DLGAP2: variants seen among roughly 807,000 people sequenced by gnomAD.
DLGAP2 encodes DLG associated protein 2.
In DLGAP2, 26 loss-of-function variants were observed where a neutral mutation model predicts 100.3. The observed-to-expected ratio is 0.26, with a 90% CI of 0.19 to 0.36. DLGAP2 has a LOEUF of 0.36. Among genes scored for constraint, DLGAP2 ranks in the 10% least tolerant of loss-of-function variants. The pLI, the probability that DLGAP2 is intolerant of heterozygous loss-of-function variation, is 1.00. For synonymous variants in DLGAP2, 886 were observed against 630.1 expected (o/e 1.41, Z -6.08); for missense variants, 1,858 against 1,453.2 (o/e 1.28, Z -4.53).
At chr8:1,527,528 T>C (rs563744918) in intron 4 of DLGAP2, among the ~76,000 whole-genome samples, 2 of 152,348 alleles carry the variant, frequency 1.3e-5, no homozygotes, top group Admixed American at 6.5e-5. Context: ...CACAGATTCA[T>C]TGCCATGGAG....
At chr8:1,683,144 A>G (rs1799001900) in intron 12 of DLGAP2, among the ~76,000 whole-genome samples, 1 of 151,620 alleles carries the variant, frequency 6.6e-6, no homozygotes, top group African/African-American at 2.4e-5. Flanking sequence ...GAAACTGTTG[A>G]GTGTCATAAG....
intron 2 of DLGAP2, among the ~76,000 whole-genome samples, chr8:925,238 T>G (rs1798788380): frequency 6.6e-6 from 1 of 152,140 alleles, no homozygotes; most frequent in Admixed American, 6.6e-5. Context: ...CCAAAGTAGC[T>G]GGGACGACAG....
At chr8:1,258,728 C>A in intron 2 of DLGAP2, 123 bp from the exon 3 acceptor site, 1 of 816,364 alleles carries the variant, frequency 1.2e-6, no homozygotes, top group Non-Finnish European at 1.6e-6. Context: ...GGTCCACTGG[C>A]TCTGGTGTGG....
chr8:1,602,486 A>G (rs142513674), intron 6 of DLGAP2, among the ~76,000 whole-genome samples: 3 of 152,358 alleles, frequency 2.0e-5, no homozygotes, highest in East Asian at 3.9e-4. Flanking sequence ...CATGTTGCCC[A>G]GAGCTAGCCA....
At chr8:1,319,275 G>T (rs1411073914) in intron 3 of DLGAP2, among the ~76,000 whole-genome samples, 1 of 152,184 alleles carries the variant, frequency 6.6e-6, no homozygotes, top group Non-Finnish European at 1.5e-5. Context: ...CACCGCCTCT[G>T]CCACAATGTG....
chr8:1,640,612 C>G (rs1458681319), intron 8 of DLGAP2, among the ~76,000 whole-genome samples: 1 of 152,112 alleles, frequency 6.6e-6, no homozygotes, highest in Non-Finnish European at 1.5e-5. Context: ...ATGTTGCAAA[C>G]TAAAGCCCAG....
intron 1 of DLGAP2, among the ~76,000 whole-genome samples, chr8:772,332 A>C (rs1821384710): frequency 6.6e-6 from 1 of 151,142 alleles, no homozygotes; most frequent in Admixed American, 6.6e-5. Context: ...AATATTAATA[A>C]TTTTTTTTGA....
chr8:1,188,385 CA>C, intron 2 of DLGAP2, among the ~76,000 whole-genome samples: 1 of 129,716 alleles, frequency 7.7e-6, no homozygotes, highest in African/African-American at 3.7e-5. Flanking sequence ...GAATCTCACA[CA>C]CCCGGGACCT....
chr8:1,387,873 G>C (rs1353058887), intron 3 of DLGAP2, among the ~76,000 whole-genome samples: 5 of 152,222 alleles, frequency 3.3e-5, no homozygotes, highest in African/African-American at 1.2e-4. Flanking sequence ...GGATTTGATG[G>C]CGCTGGAAGC....
chr8:1,110,714 CTT>C (rs10573688), intron 2 of DLGAP2, among the ~76,000 whole-genome samples: 39,673 of 127,868 alleles, frequency 0.31, 5,336 homozygotes, highest in Middle Eastern at 0.38. Context: ...GATTTATAGC[CTT>C]TTTTTTTTTT....
At chr8:1,311,748 C>G (rs368325235) in intron 3 of DLGAP2, among the ~76,000 whole-genome samples, 38 of 151,916 alleles carry the variant, frequency 2.5e-4, no homozygotes, top group African/African-American at 8.7e-4. Flanking sequence ...AGGAAAATTT[C>G]TCAGTATGAT....
At chr8:1,255,696 C>G (rs1295283453) in intron 2 of DLGAP2, among the ~76,000 whole-genome samples, 3 of 125,578 alleles carry the variant, frequency 2.4e-5, no homozygotes, top group African/African-American at 7.5e-5. Context: ...TGTGTGTGTC[C>G]TCTTCTGCCT....
chr8:892,526 G>A (rs1466243640), intron 1 of DLGAP2, among the ~76,000 whole-genome samples: 2 of 151,990 alleles, frequency 1.3e-5, no homozygotes, highest in South Asian at 2.1e-4. Context: ...GTAGAATGGG[G>A]GGTGCCAGGG....
chr8:1,067,978 C>A (rs1402404992), intron 2 of DLGAP2, among the ~76,000 whole-genome samples: 2 of 152,170 alleles, frequency 1.3e-5, no homozygotes, highest in Non-Finnish European at 2.9e-5. Flanking sequence ...TCCTCATGAA[C>A]CCTTGGCAAA....
intron 3 of DLGAP2, among the ~76,000 whole-genome samples, chr8:1,450,675 T>G (rs1477873818): frequency 6.6e-6 from 1 of 152,008 alleles, no homozygotes; most frequent in East Asian, 1.9e-4. Flanking sequence ...TGTGACACTG[T>G]GGTTCTAAAT....
intron 2 of DLGAP2, among the ~76,000 whole-genome samples, chr8:1,234,302 G>C (rs1270679029): frequency 6.6e-6 from 1 of 152,154 alleles, no homozygotes; most frequent in Non-Finnish European, 1.5e-5. Context: ...TGAAATCAGG[G>C]TGTCTGCAGG....
intron 2 of DLGAP2, among the ~76,000 whole-genome samples, chr8:1,138,679 T>C (rs1022625718): frequency 2.0e-5 from 3 of 152,362 alleles, no homozygotes; most frequent in African/African-American, 7.2e-5. Flanking sequence ...GCAAAAATAT[T>C]TTTTGAAGCC....
chr8:1,460,231 T>G (rs1798434942), intron 3 of DLGAP2, among the ~76,000 whole-genome samples: 1 of 152,208 alleles, frequency 6.6e-6, no homozygotes, highest in East Asian at 1.9e-4. Flanking sequence ...TGAAGACCAC[T>G]TGCTCCAATA....
intron 3 of DLGAP2, among the ~76,000 whole-genome samples, chr8:1,483,753 G>GAGGCAGGTGCAGGACGTGGGGACCAGGA (rs1799169985): frequency 3.8e-5 from 1 of 26,418 alleles, no homozygotes; most frequent in African/African-American, 1.5e-4. Flanking sequence ...GGGGACCAGG[G>GAGGCAGGTGCAGGACGTGGGGACCAGGA]AGGCATGTGC....
Sources: allele counts gnomAD v4.1 joint callset (sites outside exome capture counted in the v4.1 genomes callset), GRCh38; gene constraint gnomAD v4.1.1; transcripts MANE v1.5; gene names NCBI Gene and HGNC (gene_info 2026-07-23, HGNC 2026-07-21).